OVCH1: variants seen among roughly 807,000 people sequenced by gnomAD.
OVCH1 encodes ovochymase 1.
Under a neutral mutation model 138.4 loss-of-function variants are expected in OVCH1, and 139 were observed. The ratio of observed to expected loss-of-function variants is 1.00; its 90% CI spans 0.87 to 1.16. OVCH1 has a LOEUF of 1.16. Among genes scored for constraint, OVCH1 ranks in the 50% most tolerant of loss-of-function variants. The probability of loss-of-function intolerance (pLI) is 0.00; values close to 1 mark genes in which losing one functional copy is unlikely to be tolerated. For missense variants in OVCH1, 1,367 were observed against 1,357.9 expected (o/e 1.01, Z -0.11); for synonymous variants, 453 against 467.8 (o/e 0.97, Z 0.41).
At chr12:29,451,395 T>A (rs752381244) in exon 22 of OVCH1, 87 of 1,613,018 alleles carry the variant, frequency 5.4e-5, no homozygotes, top group Non-Finnish European at 7.0e-5. Context: ...TAGAACTGAG[T>A]CTTGACACAC....
exon 20 of OVCH1, chr12:29,455,326 C>T (rs368301924): frequency 9.3e-6 from 15 of 1,613,718 alleles, no homozygotes; most frequent in Non-Finnish European, 1.0e-5. Flanking sequence ...CTGGACACAG[C>T]CAGCTCCCCA....
Position 29,420,955 on chromosome 12 carries a change from A to G in OVCH1, c.*71+2172T>C, listed in dbSNP as rs1041439986. On this transcript the variant is annotated intron_variant and NMD_transcript_variant, in intron 3 of 4. Transcript: ENST00000539117. ...AGCATAAACTTTAATGTTTCTTGTG[A>G]CATAGGGAGAGCAGATGGGTACACC... Among the ~76,000 whole-genome samples, 4 of 152,248 alleles carry G rather than the reference A, an allele frequency of 2.6e-5. 1 individual carries two copies. Among genetic ancestry groups the G allele is most frequent in the Non-Finnish European group, 5.9e-5 (4 of 68,050 alleles).
At chr12:29,484,938 A>G (rs1027121041) in intron 8 of OVCH1, among the ~76,000 whole-genome samples, 138 bp from the exon 9 acceptor site, 7 of 152,170 alleles carry the variant, frequency 4.6e-5, no homozygotes, top group Non-Finnish European at 1.0e-4. Flanking sequence ...ATATTTTTAG[A>G]AGCTATGATT....
At chr12:29,496,389 C>T (rs1943417301) in intron 2 of OVCH1, 111 bp from the exon 3 acceptor site, 5 of 1,184,878 alleles carry the variant, frequency 4.2e-6, no homozygotes, top group African/African-American at 1.5e-5. Flanking sequence ...TCTTAAAATA[C>T]CGACATAAAT....
At chr12:29,449,298 C>G (rs1220811859) in intron 22 of OVCH1, among the ~76,000 whole-genome samples, 1 of 151,246 alleles carries the variant, frequency 6.6e-6, no homozygotes, top group Non-Finnish European at 1.5e-5. Context: ...CACACACACA[C>G]ACACACACAC....
rs1308595904 is a variant in OVCH1, at chr12:29,439,352, GAT to G, written c.3238_3239del (p.Ile1080HisfsTer10). On this transcript the variant is annotated frameshift_variant, in exon 26 of 28. Transcript: ENST00000318184. LOFTEE classifies it high-confidence loss of function. Reference sequence around the variant, plus strand: ...CCACTGAATTTTCCCATATATGCATGATATATGTGTTAATAAAATTCAGTTTT... The same window carrying G: ...CCACTGAATTTTCCCATATATGCATGATATGTGTTAATAAAATTCAGTTTT... 4 of 1,562,466 alleles carry G rather than the reference GAT, an allele frequency of 2.6e-6. No homozygotes were observed. The highest frequency in any genetic ancestry group is 1.9e-5 in the Admixed American group (1 of 52,510).
chr12:29,454,883 A>C lies in OVCH1; in HGVS notation c.2488T>G (p.Leu830Val). The stretch of plus-strand genomic sequence containing the variant: ...TCTGGTGAAGGTGTGGGTGGTGGCA[A>C]TTGTTGTTTTAAGGTTTTGCATTTA... The change falls in exon 21 of 28, where the codon TTG becomes GTG. Residue 830 changes from leucine to valine, a missense_variant. Coordinates refer to ENST00000318184, the Ensembl canonical transcript of OVCH1. The C allele has an allele frequency of 6.2e-7, 1 of 1,613,020 alleles. No homozygotes were observed.
chr12:29,465,947 G>A (rs528056984), intron 16 of OVCH1, among the ~76,000 whole-genome samples: 2 of 152,076 alleles, frequency 1.3e-5, no homozygotes, highest in South Asian at 4.2e-4. Context: ...GTCCTTTGTA[G>A]GGACACGGAT....
At chr12:29,445,393 A>G (rs1941585446) in exon 23 of OVCH1, 6 of 1,607,416 alleles carry the variant, frequency 3.7e-6, no homozygotes, top group Non-Finnish European at 5.1e-6. Flanking sequence ...GTCTTCTTCC[A>G]TGTAATCCAC....
chr12:29,445,211 A>G, intron 23 of OVCH1, 67 bp downstream of exon 23: 1 of 1,453,172 alleles, frequency 6.9e-7, no homozygotes, highest in Admixed American at 2.1e-5. Context: ...TATGTTTGGA[A>G]ATATTCCTAA....
intron 21 of OVCH1, among the ~76,000 whole-genome samples, chr12:29,453,775 T>G (rs1248218056): frequency 6.6e-6 from 1 of 152,090 alleles, no homozygotes; most frequent in African/African-American, 2.4e-5. Flanking sequence ...TTTGATTAAG[T>G]CTACCCTCTA....
At chr12:29,449,399 A>C (rs1156648364) in intron 22 of OVCH1, among the ~76,000 whole-genome samples, 1 of 152,018 alleles carries the variant, frequency 6.6e-6, no homozygotes, top group African/African-American at 2.4e-5. Flanking sequence ...TTCTGTGAAG[A>C]AAGCCGATGG....
At chr12:29,468,100 CA>C (rs907052299) in intron 16 of OVCH1, among the ~76,000 whole-genome samples, 1 of 151,760 alleles carries the variant, frequency 6.6e-6, no homozygotes, top group Non-Finnish European at 1.5e-5. Context: ...ATGTTATGTG[CA>C]AAAAAAGTGA....
At chr12:29,434,559 C>A (rs536012652) in intron 26 of OVCH1, among the ~76,000 whole-genome samples, 1 of 151,710 alleles carries the variant, frequency 6.6e-6, no homozygotes. Context: ...AGAAATTGAA[C>A]AAAAACAACA....
In OVCH1 at chr12:29,443,642, G is replaced by T. The variant is rs1305233618; in HGVS notation, c.3018-142C>A. ...TGTCTGTTTCCTTATGGTTGTGAGA[G>T]AGAAAGATTTGTACTTTAAATTATA... is the stretch of plus-strand genomic sequence containing the variant. On this transcript the variant is annotated intron_variant, in intron 24 of 27. Transcript: ENST00000318184. 6.8e-6 allele frequency: 6 copies of T among 876,656 alleles called. No homozygotes were observed. The East Asian group carries it at 1.7e-4, about 25-fold the overall frequency. 54.3% of individuals were successfully genotyped at this position (876,656 alleles called of 1,614,324 possible).
chr12:29,461,773 G>T (rs759237373), intron 19 of OVCH1, 81 bp downstream of exon 19: 24 of 1,546,828 alleles, frequency 1.6e-5, no homozygotes, highest in Non-Finnish European at 2.1e-5. Flanking sequence ...GGTGATTTCA[G>T]CAATGGTTTC....
At chr12:29,461,733 G>A in intron 19 of OVCH1, 121 bp downstream of exon 19, 1 of 1,220,112 alleles carries the variant, frequency 8.2e-7, no homozygotes, top group Non-Finnish European at 1.2e-6. Context: ...TCTTCATGCA[G>A]GGATATGATA....
At chr12:29,451,438 T>C in exon 22 of OVCH1, 2 of 1,613,266 alleles carry the variant, frequency 1.2e-6, no homozygotes, top group Non-Finnish European at 1.7e-6. Flanking sequence ...TACTCAATGG[T>C]AAATTTTGCC....
chr12:29,461,068 T>A (rs937998445), intron 19 of OVCH1, among the ~76,000 whole-genome samples: 1 of 152,140 alleles, frequency 6.6e-6, no homozygotes, highest in Non-Finnish European at 1.5e-5. Flanking sequence ...GTTTCTTGAC[T>A]GAGTGGTGGG....
Sources: gnomAD v4.1 joint callset for allele counts (sites outside exome capture counted in the v4.1 genomes callset) on GRCh38, gnomAD v4.1.1 for gene constraint, MANE v1.5 for transcripts, NCBI Gene and HGNC (gene_info 2026-07-23, HGNC 2026-07-21) for gene names.